The following ITPR2 variants were observed in gnomAD, a reference collection of about 807,000 sequenced individuals.
ITPR2 encodes inositol 1,4,5-trisphosphate receptor type 2, also known as inositol 1,4,5-trisphosphate-gated calcium channel ITPR2.
Under a neutral mutation model 317.1 loss-of-function variants are expected in ITPR2, and 207 were observed. The observed-to-expected ratio is 0.65, with a 90% CI of 0.58 to 0.73. ITPR2 has a LOEUF of 0.73. ITPR2 is among the 30% of genes least tolerant of loss of function. The pLI, the probability that ITPR2 is intolerant of heterozygous loss-of-function variation, is 0.00. For missense variants in ITPR2, 2,613 were observed against 3,284.0 expected (o/e 0.80, Z 4.99); for synonymous variants, 1,156 against 1,149.1 (o/e 1.01, Z -0.12).
chr12:26,699,769 A>G (rs1031324016), intron 9 of ITPR2, among the ~76,000 whole-genome samples: 4 of 152,224 alleles, frequency 2.6e-5, no homozygotes, highest in African/African-American at 9.6e-5. Context: ...GCTTTAAATT[A>G]TACTGCTGTT....
intron 1 of ITPR2, among the ~76,000 whole-genome samples, chr12:26,790,964 C>T (rs1375328697): frequency 6.6e-6 from 1 of 152,180 alleles, no homozygotes; most frequent in African/African-American, 2.4e-5. Context: ...CTGGCAGTTT[C>T]CATTTAATGG....
intron 55 of ITPR2, among the ~76,000 whole-genome samples, chr12:26,354,802 G>A (rs1938581180): frequency 6.6e-6 from 1 of 152,062 alleles, no homozygotes; most frequent in Non-Finnish European, 1.5e-5. Flanking sequence ...CCAAGTAGCT[G>A]GGATGACAGA....
chr12:26,355,116 G>A (rs1938593851), intron 55 of ITPR2, among the ~76,000 whole-genome samples: 1 of 152,220 alleles, frequency 6.6e-6, no homozygotes, highest in Admixed American at 6.5e-5. Flanking sequence ...AGGTGGTTGT[G>A]ATGCATGCTA....
chr12:26,448,828 T>A (rs1479371782), intron 45 of ITPR2, among the ~76,000 whole-genome samples: 1 of 152,216 alleles, frequency 6.6e-6, no homozygotes, highest in Non-Finnish European at 1.5e-5. Flanking sequence ...AGAACATGTA[T>A]ATGTATATAT....
chr12:26,788,477 T>C (rs998289300), intron 2 of ITPR2, among the ~76,000 whole-genome samples: 2 of 152,212 alleles, frequency 1.3e-5, no homozygotes, highest in Non-Finnish European at 2.9e-5. Context: ...AGTCTGCTTT[T>C]AGAATTTTTC....
At chr12:26,511,068 T>A (rs1011766945) in intron 37 of ITPR2, among the ~76,000 whole-genome samples, 4 of 152,218 alleles carry the variant, frequency 2.6e-5, no homozygotes, top group African/African-American at 9.6e-5. Context: ...CATCTTGACT[T>A]CCCCAAATTC....
At chr12:26,743,617 G>C (rs193268384) in intron 2 of ITPR2, among the ~76,000 whole-genome samples, 1 of 152,066 alleles carries the variant, frequency 6.6e-6, no homozygotes, top group East Asian at 1.9e-4. Flanking sequence ...TCCAGGCCAG[G>C]TGCAGTGGCT....
chr12:26,760,576 A>G (rs1331803400), intron 2 of ITPR2, among the ~76,000 whole-genome samples: 1 of 152,178 alleles, frequency 6.6e-6, no homozygotes, highest in East Asian at 1.9e-4. Flanking sequence ...AGTAAGCCCT[A>G]ATGCCCTAAC....
At chr12:26,701,199 G>A (rs772914060) in intron 9 of ITPR2, among the ~76,000 whole-genome samples, 13 of 152,222 alleles carry the variant, frequency 8.5e-5, no homozygotes, top group South Asian at 4.2e-4. Context: ...TGCTTGTACC[G>A]CAATCAATTA....
intron 21 of ITPR2, among the ~76,000 whole-genome samples, chr12:26,634,501 A>G (rs1267931559): frequency 6.6e-6 from 1 of 152,250 alleles, no homozygotes; most frequent in Non-Finnish European, 1.5e-5. Context: ...TGTCTTTTAT[A>G]TAAACCCAGC....
rs1172918478 is a variant in ITPR2 at position 26,338,179 on chromosome 12, T to A, written c.*1218A>T. 1.3e-5 allele frequency: 2 copies of A among 152,620 alleles called. No individual in the cohort carries two copies. The highest frequency in any genetic ancestry group is 3.8e-4 in the East Asian group (2 of 5,200). 9.5% of individuals were successfully genotyped at this position (152,620 alleles called of 1,614,324 possible). On this transcript the variant is annotated 3_prime_UTR_variant, in exon 57 of 57. Transcript: ENST00000381340. ...CACTTTCATTATCCATATTTTGCTC[T>A]GCTATTCCAAATGTGTAGTCTCTAA...
At chr12:26,667,845 C>A (rs1478113774) in intron 13 of ITPR2, among the ~76,000 whole-genome samples, 1 of 152,160 alleles carries the variant, frequency 6.6e-6, no homozygotes, top group Non-Finnish European at 1.5e-5. Flanking sequence ...GTTTCAAAGT[C>A]ATTCAAATGC....
At position 26,641,544 on chromosome 12, in the gene ITPR2, A is replaced by G. The variant is rs568326020; in HGVS notation, c.2741-9485T>C. Among the ~76,000 whole-genome samples the G allele has an allele frequency of 1.4e-3, 213 of 152,334 alleles. 2 individuals are homozygous for G. Among genetic ancestry groups the G allele is most frequent in the African/African-American group, 4.7e-3 (196 of 41,586 alleles). On this transcript the variant is annotated intron_variant, in intron 21 of 56. Coordinates refer to ENST00000381340, the MANE Select transcript of ITPR2 (RefSeq NM_002223.4). Reference sequence around the variant, plus strand: ...CAAGCTGTATGATCTTAGGCAAAGTATATAAGCTGTTGAAAAGCTTATTTC... The same window carrying G: ...CAAGCTGTATGATCTTAGGCAAAGTGTATAAGCTGTTGAAAAGCTTATTTC...
At chr12:26,719,953 TTAAC>T (rs1948805883) in intron 5 of ITPR2, among the ~76,000 whole-genome samples, 1 of 151,884 alleles carries the variant, frequency 6.6e-6, no homozygotes, top group Admixed American at 6.6e-5. Flanking sequence ...AAATGAAAAA[TTAAC>T]TATTCAACCA....
chr12:26,817,286 C>T (rs545602332), intron 1 of ITPR2, among the ~76,000 whole-genome samples: 2 of 151,532 alleles, frequency 1.3e-5, no homozygotes, highest in Non-Finnish European at 2.9e-5. Flanking sequence ...GAAAAGCCTG[C>T]GATAATGCTG....
At chr12:26,567,990 ATATATATTATATATATTATATAT>A (rs1565609690) in intron 34 of ITPR2, among the ~76,000 whole-genome samples, 79 of 7,312 alleles carry the variant, frequency 0.011, 5 homozygotes, top group African/African-American at 0.018. Flanking sequence ...ATATATATAT[ATATATATTATATATATTATATAT>A]ATATATATAT....
intron 52 of ITPR2, among the ~76,000 whole-genome samples, chr12:26,404,744 A>G (rs937871456): frequency 6.6e-6 from 1 of 152,180 alleles, no homozygotes; most frequent in African/African-American, 2.4e-5. Context: ...AGAAAGAGAG[A>G]GAACAGATGA....
intron 9 of ITPR2, among the ~76,000 whole-genome samples, chr12:26,706,347 C>T (rs530816382): frequency 7.2e-5 from 11 of 152,152 alleles, no homozygotes; most frequent in African/African-American, 2.6e-4. Flanking sequence ...AAGATAAAAC[C>T]CATTCTCCTT....
At chr12:26,344,471 A>T (rs1938240628) in intron 55 of ITPR2, among the ~76,000 whole-genome samples, 1 of 152,206 alleles carries the variant, frequency 6.6e-6, no homozygotes, top group East Asian at 1.9e-4. Context: ...CTAACAGTAG[A>T]CTGCAACTCT....
Sources: gnomAD v4.1 joint callset for allele counts (sites outside exome capture counted in the v4.1 genomes callset) on GRCh38, gnomAD v4.1.1 for gene constraint, MANE v1.5 for transcripts, NCBI Gene and HGNC (gene_info 2026-07-23, HGNC 2026-07-21) for gene names.